ENAH: variants seen among roughly 807,000 people sequenced by gnomAD.
The protein encoded by ENAH is ENAH actin regulator.
Under a neutral mutation model 78.7 loss-of-function variants are expected in ENAH, and 23 were observed. The ratio of observed to expected loss-of-function variants is 0.29; its 90% CI spans 0.21 to 0.41. The LOEUF is 0.41. ENAH is among the 10% of genes least tolerant of loss of function. The pLI is 1.00. For missense variants in ENAH, 544 were observed against 691.0 expected, an observed-to-expected ratio of 0.79 and a Z score of 2.39; for synonymous variants, 226 against 241.0, an observed-to-expected ratio of 0.94 and a Z score of 0.58.
At chr1:225,575,645 C>G (rs923303032) in intron 1 of ENAH, among the ~76,000 whole-genome samples, 1 of 152,172 alleles carries the variant, frequency 6.6e-6, no homozygotes, top group Non-Finnish European at 1.5e-5. Flanking sequence ...CAGATACCTT[C>G]TAATTCTGAT....
At chr1:225,648,757 C>CCTT (rs1491330226) in intron 1 of ENAH, among the ~76,000 whole-genome samples, 1 of 127,200 alleles carries the variant, frequency 7.9e-6, no homozygotes, top group East Asian at 2.6e-4. Flanking sequence ...AAGATTATCT[C>CCTT]CTTTTTTTTT....
chr1:225,616,870 C>T (rs1355701199), intron 1 of ENAH, among the ~76,000 whole-genome samples: 1 of 152,038 alleles, frequency 6.6e-6, no homozygotes, highest in African/African-American at 2.4e-5. Flanking sequence ...GAGGCTGAGG[C>T]GGGCAGATCA....
intron 1 of ENAH, among the ~76,000 whole-genome samples, chr1:225,588,684 T>TGTAG (rs2096859468): frequency 6.6e-6 from 1 of 151,670 alleles, no homozygotes; most frequent in Non-Finnish European, 1.5e-5. Context: ...GGCGCATGCC[T>TGTAG]GTAGTCCCAG....
Position 225,492,711 on chromosome 1 carries a change from T to C in ENAH, c.*5064A>G, listed in dbSNP as rs1484033557. 6.6e-6 allele frequency: 1 copy of C among 152,256 alleles called. No homozygotes were observed. Among genetic ancestry groups the C allele is most frequent in the Admixed American group, 6.5e-5 (1 of 15,282 alleles). 9.4% of individuals were successfully genotyped at this position (152,256 alleles called of 1,614,324 possible). On this transcript the variant is annotated 3_prime_UTR_variant, in exon 14 of 14. Transcript: ENST00000366843. ...ACTAACACTTCCGTTTAGAAGGTTG[T>C]GTGCATCACAGAGTATCTGTAACGG...
intron 11 of ENAH, among the ~76,000 whole-genome samples, chr1:225,502,791 T>A (rs17501208): frequency 0.044 from 6,669 of 152,250 alleles, 233 homozygotes; most frequent in South Asian, 0.11. Flanking sequence ...GCAGAGTCAC[T>A]TCTGGCAAAT....
At chr1:225,516,986 A>G (rs1174068312) in intron 6 of ENAH, among the ~76,000 whole-genome samples, 1 of 152,114 alleles carries the variant, frequency 6.6e-6, no homozygotes, top group East Asian at 1.9e-4. Flanking sequence ...ACCTAGTTCA[A>G]TAAGGAAATT....
At chr1:225,557,555 T>C (rs2096673103) in intron 2 of ENAH, among the ~76,000 whole-genome samples, 1 of 152,242 alleles carries the variant, frequency 6.6e-6, no homozygotes, top group African/African-American at 2.4e-5. Context: ...GGCAGGTGGA[T>C]CATGCCTGTA....
chr1:225,566,303 A>G (rs1252280643), intron 2 of ENAH, among the ~76,000 whole-genome samples: 1 of 152,024 alleles, frequency 6.6e-6, no homozygotes, highest in Non-Finnish European at 1.5e-5. Flanking sequence ...CCAGTTTCAC[A>G]GCCCAACCTC....
At chr1:225,585,453 A>G (rs1011193725) in intron 1 of ENAH, among the ~76,000 whole-genome samples, 3 of 152,150 alleles carry the variant, frequency 2.0e-5, no homozygotes, top group Non-Finnish European at 4.4e-5. Flanking sequence ...AAGTACATCT[A>G]TAATCACCAA....
intron 10 of ENAH, among the ~76,000 whole-genome samples, chr1:225,511,516 T>C (rs181105117): frequency 6.4e-4 from 97 of 152,352 alleles, no homozygotes; most frequent in African/African-American, 2.3e-3. Flanking sequence ...TGAAGCAGAC[T>C]GTAGTACTAA....
At chr1:225,545,992 T>C (rs1201036551) in intron 3 of ENAH, among the ~76,000 whole-genome samples, 1 of 147,924 alleles carries the variant, frequency 6.8e-6, no homozygotes, top group Non-Finnish European at 1.5e-5. Context: ...GGCGTGATCA[T>C]AGCTCACTGT....
chr1:225,520,036 G>A (rs922746394), intron 4 of ENAH, among the ~76,000 whole-genome samples: 2 of 152,188 alleles, frequency 1.3e-5, no homozygotes, highest in Non-Finnish European at 2.9e-5. Flanking sequence ...ACTCACACCT[G>A]TAATCCCAGC....
chr1:225,555,080 C>T lies in ENAH; in HGVS notation c.175G>A (p.Val59Met). Residue 59 changes from valine (V) to methionine (M), a missense_variant, in exon 3 of 14, where the codon GTG becomes ATG. This residue lies in a region of ENAH where 77 missense variants were observed against 151.8 expected (regional missense o/e 0.51). Transcript: ENST00000366843. ...VGRKIQDHQV[V>M]INCAIPKGLK... ...CCTTTAGGAATGGCACAGTTTATCA[C>T]GACCTAAAAAATAATAATTCTTTAT... 1.3e-6 allele frequency: 2 copies of T among 1,527,312 alleles called. No individual in the cohort carries two copies. Among genetic ancestry groups the T allele is most frequent in the Non-Finnish European group, 1.8e-6 (2 of 1,121,988 alleles). 94.6% of individuals were successfully genotyped at this position (1,527,312 alleles called of 1,614,324 possible).
At chr1:225,595,278 A>G (rs907457484) in intron 1 of ENAH, among the ~76,000 whole-genome samples, 2 of 152,022 alleles carry the variant, frequency 1.3e-5, no homozygotes, top group African/African-American at 4.8e-5. Flanking sequence ...GGTTGCAGTG[A>G]GCTGAGATTA....
intron 3 of ENAH, among the ~76,000 whole-genome samples, chr1:225,545,582 C>A (rs1009271308): frequency 6.6e-6 from 1 of 152,058 alleles, no homozygotes; most frequent in Non-Finnish European, 1.5e-5. Context: ...GATTAGAATG[C>A]CATGGTTTTA....
rs190641110 is a variant in ENAH at position 225,533,222 on chromosome 1, A to G, written c.350-2584T>C. Among the ~76,000 whole-genome samples the G allele has an allele frequency of 8.7e-4, 133 of 152,230 alleles. 1 individual carries two copies. Among genetic ancestry groups the G allele is most frequent in the African/African-American group, 3.2e-3 (133 of 41,554 alleles). ...CAATTACATTTTTCCTTCTTGTCAA[A>G]CATTCTAATGGGCTATAAAATTGGT... is the stretch of plus-strand genomic sequence containing the variant. On this transcript the variant is annotated intron_variant, in intron 3 of 13. Coordinates refer to ENST00000366843, the MANE Select transcript of ENAH (RefSeq NM_018212.6).
At chr1:225,643,442 A>G (rs1661436611) in intron 1 of ENAH, among the ~76,000 whole-genome samples, 1 of 152,324 alleles carries the variant, frequency 6.6e-6, no homozygotes, top group African/African-American at 2.4e-5. Context: ...TTTTACTTCT[A>G]GGAATGTATC....
chr1:225,648,321 T>C (rs1030577074), intron 1 of ENAH, among the ~76,000 whole-genome samples: 1 of 152,196 alleles, frequency 6.6e-6, no homozygotes, highest in Admixed American at 6.5e-5. Flanking sequence ...CTTACACTCA[T>C]GATACAGACT....
intron 1 of ENAH, among the ~76,000 whole-genome samples, chr1:225,629,587 A>C (rs779328838): frequency 2.0e-5 from 3 of 150,078 alleles, no homozygotes; most frequent in Non-Finnish European, 4.5e-5. Flanking sequence ...ACACTGTCCC[A>C]GAAAAAAAAA....
Sources: allele counts gnomAD v4.1 joint callset (sites outside exome capture counted in the v4.1 genomes callset), GRCh38; gene constraint gnomAD v4.1.1; regional missense constraint gnomAD v4.1.1; transcripts MANE v1.5; gene names NCBI Gene and HGNC (gene_info 2026-07-23, HGNC 2026-07-21).